The following RBM25 variants were observed in gnomAD, a reference collection of about 807,000 sequenced individuals.
The protein encoded by RBM25 is RNA binding motif protein 25.
In RBM25, 19 loss-of-function variants were observed where a neutral mutation model predicts 120.7. That is an observed-to-expected ratio of 0.16 (90% CI 0.11 to 0.23). RBM25 has a LOEUF of 0.23. Ranked by LOEUF, RBM25 falls within the 10% of genes least tolerant of loss-of-function variation. The probability of loss-of-function intolerance (pLI) is 1.00; values close to 1 mark genes in which losing one functional copy is unlikely to be tolerated. For missense variants in RBM25, 605 were observed against 1,041.5 expected (o/e 0.58, Z 5.77); for synonymous variants, 390 against 326.7 (o/e 1.19, Z -2.09).
intron 13 of RBM25, among the ~76,000 whole-genome samples, chr14:73,108,804 A>G (rs1408535724): frequency 6.6e-6 from 1 of 152,226 alleles, no homozygotes; most frequent in Non-Finnish European, 1.5e-5. Flanking sequence ...TGAAATCAGT[A>G]AAATATTGAA....
intron 4 of RBM25, among the ~76,000 whole-genome samples, chr14:73,082,452 C>T (rs377483366): frequency 5.9e-5 from 9 of 152,134 alleles, no homozygotes; most frequent in Admixed American, 2.0e-4. Context: ...CCACCACGCC[C>T]GCCTAATTTT....
At chr14:73,095,119 G>A (rs909414885) in intron 6 of RBM25, among the ~76,000 whole-genome samples, 2 of 152,044 alleles carry the variant, frequency 1.3e-5, no homozygotes, top group Non-Finnish European at 2.9e-5. Flanking sequence ...CTCCCAAAGC[G>A]CTGGGTTGCA....
At position 73,088,076 on chromosome 14, in the gene RBM25, G is replaced by T; in HGVS notation, c.458G>T (p.Gly153Val). Residue 153 changes from glycine (G) to valine (V), a missense_variant, in exon 6 of 19, where the codon GGA (glycine) becomes GTA (valine). By Grantham distance (109) the Gly-to-Val change is moderately radical (BLOSUM62 -3). Around this residue, in one of 4 missense-constraint regions of RBM25, gnomAD observed 27 missense variants for 109.4 expected, o/e 0.25. Coordinates refer to ENST00000261973, the MANE Select transcript of RBM25 (RefSeq NM_021239.3). ...ALRLLHDLQI[G>V]EKKLLVKVDA... is the part of the protein sequence containing the mutation. Reference sequence around the variant, plus strand: ...AGATTATTACATGACCTGCAAATTGGAGAGAAAAAGCTACTCGTTAAAGTT... The same window carrying T: ...AGATTATTACATGACCTGCAAATTGTAGAGAAAAAGCTACTCGTTAAAGTT... The T allele has an allele frequency of 6.2e-7, 1 of 1,614,100 alleles. No individual in the cohort carries two copies. The highest frequency in any genetic ancestry group is 8.5e-7 in the Non-Finnish European group (1 of 1,180,022).
chr14:73,114,249 AT>A, intron 17 of RBM25, 36 bp from the exon 18 acceptor site: 1 of 1,418,342 alleles, frequency 7.1e-7, no homozygotes, highest in Non-Finnish European at 9.5e-7. Flanking sequence ...TTAATTTTTT[AT>A]TTATTTTTAA....
intron 10 of RBM25, 87 bp from the exon 11 acceptor site, chr14:73,105,768 ATTAT>A: frequency 6.5e-7 from 1 of 1,533,218 alleles, no homozygotes; most frequent in East Asian, 2.3e-5. Context: ...GAGATTTTAT[ATTAT>A]TTCATAATGT....
chr14:73,108,149 T>A (rs1896228974), intron 13 of RBM25, among the ~76,000 whole-genome samples: 1 of 152,250 alleles, frequency 6.6e-6, no homozygotes, highest in Non-Finnish European at 1.5e-5. Flanking sequence ...CAAACAATAC[T>A]ATTTTTTTCT....
At chr14:73,074,357 C>CT (rs1895362841) in intron 2 of RBM25, among the ~76,000 whole-genome samples, 1 of 152,076 alleles carries the variant, frequency 6.6e-6, no homozygotes, top group Admixed American at 6.6e-5. Context: ...GTAGCTGAGA[C>CT]TATAGATGTG....
intron 9 of RBM25, chr14:73,101,659 G>A (rs2140453787): frequency 6.6e-6 from 1 of 152,026 alleles, no homozygotes; most frequent in East Asian, 1.9e-4. Context: ...AATATAAGGA[G>A]CACAGTGAAA....
At chr14:73,068,704 G>A (rs1352964861) in intron 1 of RBM25, 5 of 315,604 alleles carry the variant, frequency 1.6e-5, no homozygotes, top group South Asian at 8.7e-5. Flanking sequence ...AAGAGCTGCA[G>A]CACCAGCCTC....
chr14:73,097,638 A>G (rs958966145), intron 7 of RBM25, among the ~76,000 whole-genome samples: 7 of 152,040 alleles, frequency 4.6e-5, no homozygotes, highest in African/African-American at 1.4e-4. Context: ...CCCGGCCCCT[A>G]TTTTACTTTG....
chr14:73,103,925 C>G (rs867069562), intron 10 of RBM25, among the ~76,000 whole-genome samples: 765 of 62,902 alleles, frequency 0.012, 4 homozygotes, highest in Admixed American at 0.018. Flanking sequence ...CTCTCTCTCT[C>G]TCTCTCTCTC....
intron 6 of RBM25, among the ~76,000 whole-genome samples, chr14:73,091,112 G>A (rs898691430): frequency 6.6e-6 from 1 of 152,134 alleles, no homozygotes; most frequent in African/African-American, 2.4e-5. Context: ...CATTTAATTT[G>A]TAGCATTTGC....
intron 6 of RBM25, among the ~76,000 whole-genome samples, chr14:73,090,266 G>C (rs190098382): frequency 6.6e-6 from 1 of 152,132 alleles, no homozygotes; most frequent in Non-Finnish European, 1.5e-5. Flanking sequence ...TTCCAGGCTG[G>C]TCTTGAGCTC....
chr14:73,116,210 C>T (rs1896424457), intron 18 of RBM25, among the ~76,000 whole-genome samples: 1 of 151,966 alleles, frequency 6.6e-6, no homozygotes, highest in African/African-American at 2.4e-5. Flanking sequence ...AGAGGAAAAA[C>T]CTAATTTAGT....
chr14:73,105,215 T>C (rs901186902), intron 10 of RBM25, among the ~76,000 whole-genome samples: 1 of 150,036 alleles, frequency 6.7e-6, no homozygotes. Flanking sequence ...TCATGGGATC[T>C]TCCCACATCA....
intron 10 of RBM25, 27 bp downstream of exon 10, chr14:73,103,505 C>G (rs773204854): frequency 1.3e-6 from 2 of 1,539,528 alleles, no homozygotes; most frequent in Non-Finnish European, 1.7e-6. Context: ...GTTACTGTTT[C>G]CTGATAGCTT....
chr14:73,087,544 C>T (rs542432436), intron 5 of RBM25, among the ~76,000 whole-genome samples: 217 of 151,954 alleles, frequency 1.4e-3, no homozygotes, highest in Admixed American at 4.1e-3. Flanking sequence ...TACAGGCGCC[C>T]GCCACCGCGC....
chr14:73,060,345 A>T (rs1206945891), intron 1 of RBM25, among the ~76,000 whole-genome samples: 2 of 151,460 alleles, frequency 1.3e-5, no homozygotes, highest in African/African-American at 4.8e-5. Context: ...TTCTGAATGT[A>T]TTTTTAAAGT....
chr14:73,103,840 C>G (rs540329260), intron 10 of RBM25, among the ~76,000 whole-genome samples: 1 of 151,670 alleles, frequency 6.6e-6, no homozygotes, highest in Non-Finnish European at 1.5e-5. Flanking sequence ...AAGCGTGAGT[C>G]ACTGTGCCCA....
Sources: gnomAD v4.1 joint callset for allele counts (sites outside exome capture counted in the v4.1 genomes callset) on GRCh38, gnomAD v4.1.1 for gene constraint, gnomAD v4.1.1 regional missense constraint, MANE v1.5 for transcripts, NCBI Gene and HGNC (gene_info 2026-07-23, HGNC 2026-07-21) for gene names.